CEP85L: variants seen among roughly 807,000 people sequenced by gnomAD.
The protein encoded by CEP85L is centrosomal protein of 85 kDa-like.
Under a neutral mutation model 100.3 loss-of-function variants are expected in CEP85L, and 60 were observed. The ratio of observed to expected loss-of-function variants is 0.60; its 90% confidence interval spans 0.49 to 0.74. The LOEUF is 0.74. CEP85L is among the 30% of genes least tolerant of loss of function. The probability of loss-of-function intolerance (pLI) is 0.00; values close to 1 mark genes in which losing one functional copy is unlikely to be tolerated. For synonymous variants in CEP85L, 319 were observed against 322.7 expected (o/e 0.99, Z 0.12); for missense variants, 973 against 936.2 (o/e 1.04, Z -0.51).
intron 11 of CEP85L, among the ~76,000 whole-genome samples, chr6:118,470,208 G>A (rs573606611): frequency 7.6e-4 from 116 of 151,952 alleles, no homozygotes; most frequent in African/African-American, 2.7e-3. Context: ...GCTAATTAAA[G>A]GTAACTTTAA....
At position 118,567,209 on chromosome 6, in the gene CEP85L, ATGTGTGTGTGTGTGTGTGTG is replaced by A. The variant is rs68047463; in HGVS notation, c.233-913_233-894del. 3.0e-4 allele frequency among the ~76,000 whole-genome samples: 27 copies of A among 89,674 alleles called. 1 individual carries two copies. The highest frequency in any genetic ancestry group is 9.7e-4 in the South Asian group (2 of 2,060). The allele number at this position is 89,674 out of a possible 152,430, so 58.8% of individuals were successfully genotyped here. On this transcript the variant is annotated intron_variant, in intron 2 of 12. Transcript: ENST00000368491. The stretch of plus-strand genomic sequence containing the variant: ...TACATATATGTATGAATATATATGT[ATGTGTGTGTGTGTGTGTGTG>A]TGTGTGTGTGTGTGTGTGTGTATAT...
At chr6:118,626,956 T>C (rs1002295010) in intron 2 of CEP85L, among the ~76,000 whole-genome samples, 1 of 152,236 alleles carries the variant, frequency 6.6e-6, no homozygotes, top group African/African-American at 2.4e-5. Flanking sequence ...TCCCAGCAGT[T>C]TGAGAGGCCA....
intron 4 of CEP85L, among the ~76,000 whole-genome samples, chr6:118,516,539 TA>T (rs1293994227): frequency 2.0e-5 from 3 of 152,284 alleles, no homozygotes; most frequent in Non-Finnish European, 4.4e-5. Flanking sequence ...GTTGGCCATA[TA>T]AATGTCTTCA....
chr6:118,636,619 ATAAT>A lies in CEP85L; in HGVS notation c.74-4012_74-4009del. ...GACTGGATAAGGCAGACTGCCCTCC[ATAAT>A]GTGGGTGGGCTTCACTGAACCAGCT... On this transcript the variant is annotated intron_variant, in intron 1 of 12. Transcript: ENST00000368491. Among the ~76,000 whole-genome samples the A allele has an allele frequency of 2.7e-5, 4 of 146,794 alleles. 1 individual carries two copies. In the South Asian group the frequency reaches 8.3e-4, roughly 30 times the overall value.
intron 1 of CEP85L, among the ~76,000 whole-genome samples, chr6:118,692,969 A>T (rs1777095266): frequency 6.6e-6 from 1 of 152,208 alleles, no homozygotes. Flanking sequence ...CTTACCTCAG[A>T]TTAGAATTGG....
At chr6:118,702,487 G>A (rs977666621) in intron 1 of CEP85L, among the ~76,000 whole-genome samples, 2 of 152,012 alleles carry the variant, frequency 1.3e-5, no homozygotes, top group African/African-American at 4.8e-5. Context: ...ACTCCAGCTT[G>A]GGTAACAGAG....
At chr6:118,510,644 C>T (rs1775914041) in intron 5 of CEP85L, among the ~76,000 whole-genome samples, 1 of 152,050 alleles carries the variant, frequency 6.6e-6, no homozygotes, top group African/African-American at 2.4e-5. Flanking sequence ...CACTGCTCTC[C>T]TAAAGAGCAA....
At chr6:118,533,915 T>C (rs747087870) in intron 3 of CEP85L, among the ~76,000 whole-genome samples, 4 of 151,970 alleles carry the variant, frequency 2.6e-5, no homozygotes, top group Non-Finnish European at 4.4e-5. Context: ...GCCAACATGG[T>C]GAAACCCCGT....
In CEP85L at chr6:118,462,605, T is replaced by C. The variant is rs1425609179; in HGVS notation, c.*2800A>G. On this transcript the variant is annotated 3_prime_UTR_variant, in exon 13 of 13. Coordinates refer to ENST00000368491, the MANE Select transcript of CEP85L (RefSeq NM_001042475.3). ...GCACAATTAAAACGAGGTTTCATTA[T>C]CTAAGTAAATTTTCAAATAGATTCA... 6.6e-6 allele frequency: 1 copy of C among 152,020 alleles called. No individual in the cohort carries two copies. Among genetic ancestry groups the C allele is most frequent in the Non-Finnish European group, 1.5e-5 (1 of 67,896 alleles). The allele number at this position is 152,020 out of a possible 1,614,324, so 9.4% of individuals were successfully genotyped here.
intron 3 of CEP85L, among the ~76,000 whole-genome samples, chr6:118,540,336 G>C (rs189028459): frequency 6.6e-6 from 1 of 152,276 alleles, no homozygotes; most frequent in Admixed American, 6.5e-5. Context: ...TGACTGATAT[G>C]AAAATTTGGA....
In CEP85L at chr6:118,542,726, A is replaced by G. The variant is rs955890591; in HGVS notation, c.1021-18806T>C. On this transcript the variant is annotated intron_variant, in intron 3 of 12. Coordinates refer to ENST00000368491, the MANE Select transcript of CEP85L (RefSeq NM_001042475.3). ...AAATCTCTTATATTATGGTTACACA[A>G]AACTATGGAATGCCATTGTTTTGGA... 5.3e-5 allele frequency among the ~76,000 whole-genome samples: 8 copies of G among 152,008 alleles called. No homozygotes were observed. The Middle Eastern group carries it at 0.01, about 194-fold the overall frequency.
chr6:118,692,316 T>C (rs983177577), intron 1 of CEP85L, among the ~76,000 whole-genome samples: 1 of 152,214 alleles, frequency 6.6e-6, no homozygotes, highest in African/African-American at 2.4e-5. Flanking sequence ...TAAAGCTTAA[T>C]TGGGCATCAA....
At chr6:118,606,597 A>C (rs73766582) in intron 2 of CEP85L, among the ~76,000 whole-genome samples, 4,122 of 152,348 alleles carry the variant, frequency 0.027, 192 homozygotes, top group African/African-American at 0.093. Context: ...GGGAGACCAA[A>C]AGTACTGCCA....
At chr6:118,494,780 T>C (rs1774812898) in intron 5 of CEP85L, among the ~76,000 whole-genome samples, 1 of 151,996 alleles carries the variant, frequency 6.6e-6, no homozygotes, top group South Asian at 2.1e-4. Context: ...CAACAAAAAT[T>C]ACAAGACACG....
chr6:118,468,598 AG>A (rs1772707483), intron 12 of CEP85L, among the ~76,000 whole-genome samples: 1 of 152,200 alleles, frequency 6.6e-6, no homozygotes, highest in Admixed American at 6.5e-5. Context: ...CAAAGGCAAC[AG>A]ATTTGTAGGC....
chr6:118,700,468 G>T (rs1481379356), intron 1 of CEP85L, among the ~76,000 whole-genome samples: 3 of 152,224 alleles, frequency 2.0e-5, no homozygotes, highest in Non-Finnish European at 2.9e-5. Context: ...CCCTATTGCT[G>T]AATTCTGTGT....
At chr6:118,692,585 G>A (rs1281781101) in intron 1 of CEP85L, among the ~76,000 whole-genome samples, 10 of 152,032 alleles carry the variant, frequency 6.6e-5, no homozygotes, top group African/African-American at 1.2e-4. Flanking sequence ...AATGTATCAC[G>A]CCAATTATAT....
At chr6:118,467,191 G>A (rs1200256307) in intron 12 of CEP85L, among the ~76,000 whole-genome samples, 8 of 152,116 alleles carry the variant, frequency 5.3e-5, no homozygotes, top group Non-Finnish European at 5.9e-5. Context: ...GGAGCCCAGA[G>A]GAGATAAATG....
At chr6:118,505,284 T>C (rs1775573055) in intron 5 of CEP85L, among the ~76,000 whole-genome samples, 1 of 151,326 alleles carries the variant, frequency 6.6e-6, no homozygotes, top group African/African-American at 2.4e-5. Flanking sequence ...CTAATAAAAA[T>C]ACAAAAATTA....
Sources: allele counts gnomAD v4.1 joint callset (sites outside exome capture counted in the v4.1 genomes callset), GRCh38; gene constraint gnomAD v4.1.1; transcripts MANE v1.5; gene names NCBI Gene and HGNC (gene_info 2026-07-23, HGNC 2026-07-21).